Variants in NRG4 observed in about 807,000 individuals in gnomAD.
NRG4 encodes neuregulin 4.
Under a neutral mutation model 15.0 loss-of-function variants are expected in NRG4, and 10 were observed. The ratio of observed to expected loss-of-function variants is 0.67; its 90% confidence interval spans 0.41 to 1.13. The LOEUF is 1.13. NRG4 is among the 50% of genes most tolerant of loss of function. NRG4 has a pLI of 0.00. For synonymous variants in NRG4, 41 were observed against 50.1 expected (o/e 0.82, Z 0.77); for missense variants, 139 against 140.2 (o/e 0.99, Z 0.04).
chr15:76,043,995 A>AT lies in NRG4; in HGVS notation c.-104-8005dup, dbSNP rs879424444. Reference sequence around the variant, plus strand: ...CAGAAATAAATCCATACATGAACTAATTTTTTTTTTTTTGAGATGGAGTCT... The same window carrying AT: ...CAGAAATAAATCCATACATGAACTAATTTTTTTTTTTTTTGAGATGGAGTCT... On this transcript the variant is annotated intron_variant, in intron 4 of 8. Transcript: ENST00000563910. Among the ~76,000 whole-genome samples, 596 of 147,288 alleles carry AT rather than the reference A, an allele frequency of 4.0e-3. 3 individuals carry two copies. The highest frequency in any genetic ancestry group is 5.9e-3 in the East Asian group (30 of 5,070).
chr15:75,966,915 G>A (rs2032820640), intron 3 of NRG4, among the ~76,000 whole-genome samples: 1 of 152,032 alleles, frequency 6.6e-6, no homozygotes. Context: ...AGGAGTTCAA[G>A]ACCAGCCTGG....
Position 75,972,544 on chromosome 15 carries a change from G to C in NRG4, c.105-10570C>G, listed in dbSNP as rs554407274. Among the ~76,000 whole-genome samples the C allele has an allele frequency of 2.6e-5, 4 of 152,206 alleles. No individual in the cohort carries two copies. The East Asian group carries it at 5.8e-4, about 22-fold the overall frequency. On this transcript the variant is annotated intron_variant, in intron 3 of 5. Transcript: ENST00000394907. ...TTTAATTCATCTTGAGTTAATTTTT[G>C]TATAAGGTGTAAGGAAGGGGTCCAG... is the stretch of plus-strand genomic sequence containing the variant.
intron 3 of NRG4, among the ~76,000 whole-genome samples, chr15:75,982,912 A>G (rs1455813495): frequency 6.6e-6 from 1 of 152,222 alleles, no homozygotes; most frequent in Non-Finnish European, 1.5e-5. Flanking sequence ...ATCTAAAAAC[A>G]AAACATCTGA....
At chr15:76,005,293 G>A (rs1312200369) in intron 3 of NRG4, among the ~76,000 whole-genome samples, 1 of 150,678 alleles carries the variant, frequency 6.6e-6, no homozygotes, top group Non-Finnish European at 1.5e-5. Context: ...GAGGCAGGAG[G>A]ATCACTTGAG....
At chr15:75,995,610 T>C (rs2034186222) in intron 3 of NRG4, among the ~76,000 whole-genome samples, 1 of 152,208 alleles carries the variant, frequency 6.6e-6, no homozygotes, top group Non-Finnish European at 1.5e-5. Flanking sequence ...ATTTAGGTTG[T>C]GTATTAAGTA....
intron 4 of NRG4, among the ~76,000 whole-genome samples, chr15:76,049,467 C>T (rs56075682): frequency 0.24 from 35,500 of 150,414 alleles, 5,558 homozygotes; most frequent in Non-Finnish European, 0.32. Context: ...ATTCACTCTA[C>T]ACCCAATTCT....
intron 3 of NRG4, among the ~76,000 whole-genome samples, chr15:75,986,074 T>C (rs757505103): frequency 2.6e-5 from 4 of 152,190 alleles, no homozygotes; most frequent in Non-Finnish European, 5.9e-5. Flanking sequence ...AACAGTGAGA[T>C]ACCATTTCTC....
At chr15:76,043,218 C>T (rs1238472798) in intron 4 of NRG4, among the ~76,000 whole-genome samples, 1 of 152,106 alleles carries the variant, frequency 6.6e-6, no homozygotes, top group Non-Finnish European at 1.5e-5. Context: ...ATAGCTGAGT[C>T]TTTCTTCTAA....
At chr15:75,957,141 TA>T (rs1345256036) in intron 4 of NRG4, among the ~76,000 whole-genome samples, 2 of 152,290 alleles carry the variant, frequency 1.3e-5, no homozygotes, top group Admixed American at 6.5e-5. Flanking sequence ...TTAATTCCTT[TA>T]AAAAAATACA....
chr15:76,029,975 C>A (rs112003727), intron 5 of NRG4, among the ~76,000 whole-genome samples: 1 of 152,102 alleles, frequency 6.6e-6, no homozygotes, highest in Non-Finnish European at 1.5e-5. Flanking sequence ...AACAAAGCTG[C>A]AGGCCAGGCA....
At chr15:75,981,753 A>G (rs2033616692) in intron 3 of NRG4, among the ~76,000 whole-genome samples, 3 of 152,210 alleles carry the variant, frequency 2.0e-5, no homozygotes, top group South Asian at 4.1e-4. Flanking sequence ...GTTTTTATGC[A>G]AAATAGATAA....
At chr15:76,050,468 G>T (rs1596064145) in intron 4 of NRG4, among the ~76,000 whole-genome samples, 1 of 114,600 alleles carries the variant, frequency 8.7e-6, no homozygotes, top group African/African-American at 3.5e-5. Context: ...TTGAAACGGA[G>T]TCTCACTCTA....
chr15:76,032,372 C>T (rs2035495121), intron 5 of NRG4, among the ~76,000 whole-genome samples: 1 of 151,814 alleles, frequency 6.6e-6, no homozygotes, highest in South Asian at 2.1e-4. Context: ...TCTCAATACC[C>T]CCCAAATCAT....
intron 3 of NRG4, among the ~76,000 whole-genome samples, chr15:75,964,841 A>G (rs1397010335): frequency 6.6e-6 from 1 of 152,016 alleles, no homozygotes; most frequent in Non-Finnish European, 1.5e-5. Flanking sequence ...TGGGAGAATC[A>G]CTTGAGCCCA....
At chr15:75,965,436 C>A (rs936553898) in intron 3 of NRG4, among the ~76,000 whole-genome samples, 1 of 152,084 alleles carries the variant, frequency 6.6e-6, no homozygotes, top group Non-Finnish European at 1.5e-5. Context: ...ATAAAGCAAT[C>A]ACATGCTCTT....
At chr15:76,038,533 A>T (rs1180570050) in intron 4 of NRG4, among the ~76,000 whole-genome samples, 2 of 152,220 alleles carry the variant, frequency 1.3e-5, no homozygotes. Flanking sequence ...CTGCCTGTGA[A>T]AAGGAGAGGG....
At chr15:76,010,931 G>A (rs2034788241) in intron 2 of NRG4, among the ~76,000 whole-genome samples, 1 of 151,936 alleles carries the variant, frequency 6.6e-6, no homozygotes, top group African/African-American at 2.4e-5. Flanking sequence ...CTTTTATTCT[G>A]ACTTCTATTT....
intron 3 of NRG4, among the ~76,000 whole-genome samples, chr15:75,975,362 T>C (rs1317892621): frequency 6.6e-6 from 1 of 152,202 alleles, no homozygotes; most frequent in African/African-American, 2.4e-5. Context: ...AAGGTTAATA[T>C]TGTTATGTGT....
At chr15:75,956,140 G>T in intron 4 of NRG4, 129 bp from the exon 5 acceptor site, 1 of 597,942 alleles carries the variant, frequency 1.7e-6, no homozygotes, top group Non-Finnish European at 3.0e-6. Flanking sequence ...TCAAATGAAA[G>T]TATAAACTTG....
Sources: allele counts gnomAD v4.1 joint callset (sites outside exome capture counted in the v4.1 genomes callset), GRCh38; gene constraint gnomAD v4.1.1; transcripts MANE v1.5; gene names NCBI Gene and HGNC (gene_info 2026-07-23, HGNC 2026-07-21).